The following SPATA18 variants were observed in gnomAD, a reference collection of about 807,000 sequenced individuals.
SPATA18 encodes spermatogenesis associated 18, also known as mitochondria-eating protein.
Under a neutral mutation model 68.1 loss-of-function variants are expected in SPATA18, and 54 were observed. That is an observed-to-expected ratio of 0.79 (90% CI 0.64 to 0.99). SPATA18 has a LOEUF of 0.99. Among genes scored for constraint, SPATA18 ranks in the 50% least tolerant of loss-of-function variants. The pLI, the probability that SPATA18 is intolerant of heterozygous loss-of-function variation, is 0.00. For synonymous variants in SPATA18, 242 were observed against 244.8 expected, an observed-to-expected ratio of 0.99 and a Z score of 0.11; for missense variants, 724 against 681.1, an observed-to-expected ratio of 1.06 and a Z score of -0.70.
intron 6 of SPATA18, among the ~76,000 whole-genome samples, chr4:52,075,541 G>T (rs530459677): frequency 5.9e-5 from 9 of 152,218 alleles, no homozygotes; most frequent in Admixed American, 4.6e-4. Flanking sequence ...TTGATAGGCT[G>T]TTAGGGATTT....
chr4:52,075,365 T>C (rs968680394), intron 6 of SPATA18, among the ~76,000 whole-genome samples: 1 of 152,188 alleles, frequency 6.6e-6, no homozygotes, highest in African/African-American at 2.4e-5. Flanking sequence ...GCATTTTTCC[T>C]CCTCCAATGG....
intron 6 of SPATA18, 152 bp downstream of exon 6, chr4:52,072,308 T>G (rs904249650): frequency 1.6e-6 from 2 of 1,258,650 alleles, no homozygotes; most frequent in Admixed American, 5.6e-5. Flanking sequence ...ATTGTTTTCT[T>G]AACTGCACCC....
chr4:52,067,628 G>A (rs1266995588), intron 4 of SPATA18, among the ~76,000 whole-genome samples: 1 of 152,072 alleles, frequency 6.6e-6, no homozygotes, highest in African/African-American at 2.4e-5. Context: ...CAGCTTAAAT[G>A]TGCCTTTCTC....
chr4:52,070,578 A>G (rs562675382), intron 5 of SPATA18, among the ~76,000 whole-genome samples: 1 of 152,028 alleles, frequency 6.6e-6, no homozygotes, highest in Non-Finnish European at 1.5e-5. Context: ...AGATATACCT[A>G]ATGCTAAATG....
intron 1 of SPATA18, among the ~76,000 whole-genome samples, chr4:52,058,702 G>A (rs1385419081): frequency 6.6e-6 from 1 of 152,028 alleles, no homozygotes; most frequent in African/African-American, 2.4e-5. Flanking sequence ...ATTCACTCTT[G>A]GTTGCATCAT....
In SPATA18 at chr4:52,097,256, C is replaced by CTATT. The variant is rs1742500438; in HGVS notation, c.*2370_*2373dup. ...TAACATTTAAAAAGTGCTTTTGTAA[C>CTATT]TATTAGTTATTTGCAATAAAATGCT... is the stretch of plus-strand genomic sequence containing the variant. On this transcript the variant is annotated 3_prime_UTR_variant, in exon 13 of 13. Transcript: ENST00000295213. 6.6e-6 allele frequency: 1 copy of CTATT among 152,152 alleles called. No homozygotes were observed. Among genetic ancestry groups the CTATT allele is most frequent in the African/African-American group, 2.4e-5 (1 of 41,426 alleles). 9.4% of individuals were successfully genotyped at this position (152,152 alleles called of 1,614,324 possible).
intron 2 of SPATA18, 97 bp from the exon 3 acceptor site, chr4:52,060,685 T>G: frequency 8.3e-7 from 1 of 1,203,814 alleles, no homozygotes; most frequent in South Asian, 1.4e-5. Flanking sequence ...TACTTTAAGT[T>G]TTAGGGTACA....
rs762976290 is a variant in SPATA18, at chr4:52,060,415, G to A, written c.88-4G>A. On this transcript the variant is annotated splice_region_variant and splice_polypyrimidine_tract_variant and intron_variant, in intron 1 of 12. Coordinates refer to ENST00000295213, the MANE Select transcript of SPATA18 (RefSeq NM_145263.4). The stretch of plus-strand genomic sequence containing the variant: ...CCTGGTTATCTACTGTTTTGCCCTT[G>A]CAGACAAACACGTGTGATCAAAATC... The A allele has an allele frequency of 1.9e-6, 3 of 1,613,430 alleles. No individual in the cohort carries two copies. The highest frequency in any genetic ancestry group is 1.7e-6 in the Non-Finnish European group (2 of 1,179,548).
chr4:52,067,976 A>C (rs1739455038), intron 4 of SPATA18, among the ~76,000 whole-genome samples: 1 of 152,240 alleles, frequency 6.6e-6, no homozygotes, highest in African/African-American at 2.4e-5. Flanking sequence ...CAGCCTGATT[A>C]AAACAATTGT....
chr4:52,077,287 TTTG>T (rs1740469598), intron 7 of SPATA18, among the ~76,000 whole-genome samples: 1 of 137,538 alleles, frequency 7.3e-6, no homozygotes, highest in Admixed American at 7.2e-5. Flanking sequence ...TTCCTTCCTC[TTTG>T]TTTCTTCCCG....
intron 7 of SPATA18, chr4:52,078,438 G>A (rs1740606331): frequency 4.3e-6 from 1 of 232,348 alleles, no homozygotes; most frequent in Non-Finnish European, 8.4e-6. Flanking sequence ...ATTGCTATGG[G>A]CTTATAGCAG....
At chr4:52,074,042 C>T (rs1257491306) in intron 6 of SPATA18, among the ~76,000 whole-genome samples, 2 of 152,066 alleles carry the variant, frequency 1.3e-5, no homozygotes, top group Admixed American at 1.3e-4. Flanking sequence ...GTTAAGTTCC[C>T]GTAGTGATTT....
At position 52,095,530 on chromosome 4, in the gene SPATA18, T is replaced by C. The variant is rs1742351939; in HGVS notation, c.*643T>C. ...CTGATTTTGAGAGTGCCCAGTTTGG[T>C]TTAGTTGACCAATGAATGTCAAAGC... is the stretch of plus-strand genomic sequence containing the variant. On this transcript the variant is annotated 3_prime_UTR_variant, in exon 13 of 13. Transcript: ENST00000295213. 1 of 152,248 alleles carries C rather than the reference T, an allele frequency of 6.6e-6. No individual in the cohort carries two copies. The highest frequency in any genetic ancestry group is 2.4e-5 in the African/African-American group (1 of 41,454). 9.4% of individuals were successfully genotyped at this position (152,248 alleles called of 1,614,324 possible).
chr4:52,076,952 C>T lies in SPATA18; in HGVS notation c.932C>T (p.Ser311Phe). Residue 311 changes from serine to phenylalanine, a missense_variant, in exon 7 of 13, where the codon TCC becomes TTC. Transcript: ENST00000295213. ...ALLSRFSDSY[S>F]QARLDAQCLL... ...TTGTCCCGGTTCAGCGATTCCTATT[C>T]CCAGGCCCGCCTGGACGCGCAGTGC... 1 of 1,614,186 alleles carries T rather than the reference C, an allele frequency of 6.2e-7. No homozygotes were observed. Among genetic ancestry groups the T allele is most frequent in the Admixed American group, 1.7e-5 (1 of 60,022 alleles).
intron 8 of SPATA18, among the ~76,000 whole-genome samples, 192 bp from the exon 9 acceptor site, chr4:52,079,552 G>A (rs1421996724): frequency 2.0e-5 from 3 of 152,058 alleles, no homozygotes; most frequent in Non-Finnish European, 1.5e-5. Flanking sequence ...TCTACTCTGT[G>A]TCCTCTTTCC....
At position 52,094,556 on chromosome 4, in the gene SPATA18, A is replaced by T. The variant is rs1742265511; in HGVS notation, c.1593A>T (p.Ile531=). 3 of 1,613,780 alleles carry T rather than the reference A, an allele frequency of 1.9e-6. No individual in the cohort carries two copies. The highest frequency in any genetic ancestry group is 1.7e-6 in the Non-Finnish European group (2 of 1,179,830). The change falls in exon 12 of 13, where the codon ATA becomes ATT. Residue 531 remains isoleucine (I), a synonymous_variant. Transcript: ENST00000295213. ...TMSRSRSPSP[I]RCGLPRF ...CTCGAAGTCGGAGTCCTTCTCCAAT[A>T]AGATGTGGATTGCCAAGTAAGTGGG...
At chr4:52,078,681 A>G in intron 7 of SPATA18, 54 bp from the exon 8 acceptor site, 1 of 1,436,832 alleles carries the variant, frequency 7.0e-7, no homozygotes, top group Non-Finnish European at 9.3e-7. Context: ...CTTGTTTTGG[A>G]TCTCTTCACC....
chr4:52,054,026 ACCAGCTTTCTTGCTCGT>A (rs1270849876), intron 1 of SPATA18, among the ~76,000 whole-genome samples: 1 of 152,228 alleles, frequency 6.6e-6, no homozygotes, highest in Admixed American at 6.5e-5. Context: ...CTCCAGCAGT[ACCAGCTTTCTTGCTCGT>A]CCTAGAGCAA....
Position 52,063,751 on chromosome 4 carries a change from G to A in SPATA18, c.422+1419G>A, listed in dbSNP as rs1372164025. Among the ~76,000 whole-genome samples, 6 of 152,108 alleles carry A rather than the reference G, an allele frequency of 3.9e-5. No homozygotes were observed. In the East Asian group the frequency reaches 1.2e-3, roughly 29 times the overall value. ...TGGTGACGGACATGAGGAGTTTTTGGTCTTATACTGCCCTCTGGGTTCTTG... is the reference window on the plus strand; with the variant it reads ...TGGTGACGGACATGAGGAGTTTTTGATCTTATACTGCCCTCTGGGTTCTTG... On this transcript the variant is annotated intron_variant, in intron 4 of 12. Transcript: ENST00000295213.
Sources: gnomAD v4.1 joint callset for allele counts (sites outside exome capture counted in the v4.1 genomes callset) on GRCh38, gnomAD v4.1.1 for gene constraint, MANE v1.5 for transcripts, NCBI Gene and HGNC (gene_info 2026-07-23, HGNC 2026-07-21) for gene names.